RNF115: variants seen among roughly 807,000 people sequenced by gnomAD.
The protein encoded by RNF115 is E3 ubiquitin-protein ligase RNF115.
RNF115 carries 31 observed loss-of-function variants against 39.2 expected under a neutral mutation model. The observed-to-expected ratio is 0.79, with a 90% CI of 0.59 to 1.07. The LOEUF (loss-of-function observed/expected upper bound fraction) is 1.07, where lower values mean the gene tolerates loss of function less well. RNF115 is among the 50% of genes least tolerant of loss of function. The pLI, the probability that RNF115 is intolerant of heterozygous loss-of-function variation, is 0.00. For synonymous variants in RNF115, 124 were observed against 131.0 expected (o/e 0.95, Z 0.37); for missense variants, 384 against 381.7 (o/e 1.01, Z -0.05).
intron 1 of RNF115, among the ~76,000 whole-genome samples, chr1:145,806,849 A>G (rs587638706): frequency 6.6e-6 from 1 of 152,326 alleles, no homozygotes; most frequent in African/African-American, 2.4e-5. Context: ...TCTGTCGCCC[A>G]GGCTGGAGTG....
intron 1 of RNF115, among the ~76,000 whole-genome samples, chr1:145,819,268 T>C (rs1182631143): frequency 3.6e-5 from 3 of 83,666 alleles, no homozygotes; most frequent in Non-Finnish European, 6.6e-5. Context: ...AAACCTTATC[T>C]CTCAAAAAAA....
chr1:145,766,502 C>G (rs1354513974), intron 4 of RNF115, among the ~76,000 whole-genome samples: 1 of 151,932 alleles, frequency 6.6e-6, no homozygotes, highest in Non-Finnish European at 1.5e-5. Context: ...TCCCAATGAG[C>G]TGTTGAGTAC....
chr1:145,788,860 T>C (rs376408780), intron 2 of RNF115, 48 bp downstream of exon 2: 13 of 1,320,248 alleles, frequency 9.8e-6, no homozygotes, highest in Middle Eastern at 3.6e-4. Flanking sequence ...TGAGAGAAAA[T>C]AGTTTTGATA....
intron 1 of RNF115, among the ~76,000 whole-genome samples, chr1:145,811,932 T>C (rs1369917125): frequency 0.029 from 2,124 of 74,032 alleles, 78 homozygotes; most frequent in Middle Eastern, 0.078. Flanking sequence ...TATATATATA[T>C]ACACACACAC....
At chr1:145,787,261 C>T (rs1389305471) in intron 2 of RNF115, among the ~76,000 whole-genome samples, 3 of 152,204 alleles carry the variant, frequency 2.0e-5, no homozygotes, top group Non-Finnish European at 4.4e-5. Flanking sequence ...CCTATCAATG[C>T]TATTCTAAAA....
At chr1:145,779,568 C>A (rs1571744205) in intron 3 of RNF115, among the ~76,000 whole-genome samples, 1 of 152,166 alleles carries the variant, frequency 6.6e-6, no homozygotes. Context: ...ACTCTTATGA[C>A]AGCAACTCTA....
rs587657264 is a variant in RNF115, at chr1:145,741,049, G to C, written c.*5817C>G. 2 of 152,284 alleles carry C rather than the reference G, an allele frequency of 1.3e-5. No individual in the cohort carries two copies. The highest frequency in any genetic ancestry group is 4.8e-5 in the African/African-American group (2 of 41,528). The allele number at this position is 152,284 out of a possible 1,614,324, so 9.4% of individuals were successfully genotyped here. ...CATGGTGTTTTATTGTGCTGCCCAG[G>C]CTGGTCTCAAACTCCTGACCTCAAG... is the stretch of plus-strand genomic sequence containing the variant. On this transcript the variant is annotated 3_prime_UTR_variant, in exon 9 of 9. Coordinates refer to ENST00000582693, the MANE Select transcript of RNF115 (RefSeq NM_014455.4).
intron 1 of RNF115, among the ~76,000 whole-genome samples, chr1:145,794,944 G>C (rs12744964): frequency 1.2e-3 from 179 of 151,192 alleles, no homozygotes; most frequent in African/African-American, 4.2e-3. Context: ...GTGAACCCGG[G>C]AGGCGGAGCT....
intron 4 of RNF115, among the ~76,000 whole-genome samples, chr1:145,758,626 A>G (rs1438596543): frequency 1.3e-5 from 2 of 152,236 alleles, no homozygotes; most frequent in Non-Finnish European, 2.9e-5. Flanking sequence ...CTGACCAATA[A>G]GTAAATGGTA....
chr1:145,772,358 T>C (rs1553715901), intron 3 of RNF115: 3 of 166,206 alleles, frequency 1.8e-5, no homozygotes, highest in African/African-American at 4.8e-5. Flanking sequence ...GAAAATTTAA[T>C]AGATCTGTGG....
At position 145,740,024 on chromosome 1, in the gene RNF115, CAA is replaced by C. The variant is rs782520280; in HGVS notation, c.*6840_*6841del. On this transcript the variant is annotated 3_prime_UTR_variant, in exon 9 of 9. Transcript: ENST00000582693. ...CCTAGAGCCATTTGAGTTCTGACTC[CAA>C]AGTCTCCAAAGCTTTCTCCACTACA... 4 of 152,204 alleles carry C rather than the reference CAA, an allele frequency of 2.6e-5. No individual in the cohort carries two copies. Among genetic ancestry groups the C allele is most frequent in the Non-Finnish European group, 5.9e-5 (4 of 68,034 alleles). 9.4% of individuals were successfully genotyped at this position (152,204 alleles called of 1,614,324 possible).
chr1:145,766,877 A>G (rs587762446), intron 4 of RNF115, among the ~76,000 whole-genome samples: 9 of 49,910 alleles, frequency 1.8e-4, no homozygotes, highest in African/African-American at 7.0e-4. Flanking sequence ...ACTTCCCAGT[A>G]GGGGCGGCCA....
chr1:145,770,913 T>G (rs781855578), intron 4 of RNF115, among the ~76,000 whole-genome samples: 3 of 152,224 alleles, frequency 2.0e-5, no homozygotes, highest in Admixed American at 6.5e-5. Flanking sequence ...ATTACATGAA[T>G]GTTTTTACAG....
Position 145,752,543 on chromosome 1 carries a change from G to A in RNF115, c.500+435C>T, listed in dbSNP as rs1658127345. Among the ~76,000 whole-genome samples the A allele has an allele frequency of 2.0e-5, 3 of 147,976 alleles. No homozygotes were observed. The South Asian group carries it at 6.4e-4, about 32-fold the overall frequency. On this transcript the variant is annotated intron_variant, in intron 5 of 8. Transcript: ENST00000582693. The stretch of plus-strand genomic sequence containing the variant: ...TTTGGGCTTAGCAGATAATGGCAGT[G>A]TAGCAGCCTCCAGTTACATCTACAT...
At chr1:145,747,469 C>G (rs1337118162) in intron 8 of RNF115, among the ~76,000 whole-genome samples, 4 of 152,040 alleles carry the variant, frequency 2.6e-5, no homozygotes, top group Non-Finnish European at 5.9e-5. Context: ...ATGGCGAAAC[C>G]CTGTCTCTAC....
At chr1:145,787,792 G>A (rs1449281681) in intron 2 of RNF115, among the ~76,000 whole-genome samples, 8 of 151,884 alleles carry the variant, frequency 5.3e-5, no homozygotes, top group African/African-American at 1.4e-4. Flanking sequence ...GGCAAGCTGA[G>A]GCCCAAGAAT....
At chr1:145,770,898 CATTT>C (rs1299836572) in intron 4 of RNF115, among the ~76,000 whole-genome samples, 3 of 152,174 alleles carry the variant, frequency 2.0e-5, no homozygotes, top group Non-Finnish European at 4.4e-5. Context: ...ACTCAACAAA[CATTT>C]ATTACATGAA....
At chr1:145,790,103 T>C (rs587661571) in intron 1 of RNF115, among the ~76,000 whole-genome samples, 2 of 152,210 alleles carry the variant, frequency 1.3e-5, no homozygotes, top group African/African-American at 4.8e-5. Flanking sequence ...AGCTGAAAGG[T>C]AGAGTGTCAA....
intron 7 of RNF115, among the ~76,000 whole-genome samples, chr1:145,750,125 T>C (rs1187850402): frequency 6.6e-6 from 1 of 152,220 alleles, no homozygotes; most frequent in African/African-American, 2.4e-5. Flanking sequence ...TGTACCTCTT[T>C]ATTCCCAATG....
Sources: gnomAD v4.1 joint callset for allele counts (sites outside exome capture counted in the v4.1 genomes callset) on GRCh38, gnomAD v4.1.1 for gene constraint, MANE v1.5 for transcripts, NCBI Gene and HGNC (gene_info 2026-07-23, HGNC 2026-07-21) for gene names.